Variants in USP12 observed in about 807,000 individuals in gnomAD.
USP12 encodes ubiquitin carboxyl-terminal hydrolase 12.
A neutral mutation model predicts 45.5 loss-of-function variants in USP12; 19 were observed. The ratio of observed to expected loss-of-function variants is 0.42; its 90% CI spans 0.29 to 0.61. The LOEUF (loss-of-function observed/expected upper bound fraction) is 0.61, where lower values mean the gene tolerates loss of function less well. USP12 is among the 20% of genes least tolerant of loss of function. The pLI is 0.22. For synonymous variants in USP12, 149 were observed against 148.8 expected (o/e 1.00, Z -0.01); for missense variants, 242 against 447.7 (o/e 0.54, Z 4.15).
intron 1 of USP12, among the ~76,000 whole-genome samples, chr13:27,142,861 G>A (rs563627388): frequency 9.2e-4 from 140 of 151,722 alleles, no homozygotes; most frequent in African/African-American, 3.2e-3. Context: ...TTGGGAGGCC[G>A]AGGCAGGCTG....
chr13:27,102,846 C>T (rs1223489810), intron 3 of USP12, among the ~76,000 whole-genome samples: 2 of 152,212 alleles, frequency 1.3e-5, no homozygotes, highest in Non-Finnish European at 2.9e-5. Flanking sequence ...TAAACAGTGT[C>T]TGGCACACAA....
intron 4 of USP12, among the ~76,000 whole-genome samples, chr13:27,095,014 G>A (rs1297311449): frequency 1.3e-5 from 2 of 152,138 alleles, no homozygotes; most frequent in Non-Finnish European, 2.9e-5. Context: ...AATTAGCTGG[G>A]TGTGGTGGCA....
At chr13:27,105,982 C>A in intron 2 of USP12, 38 bp from the exon 3 acceptor site, 3 of 1,540,240 alleles carry the variant, frequency 1.9e-6, no homozygotes, top group Non-Finnish European at 2.6e-6. Context: ...AAATTTAGGG[C>A]AACACATTTT....
intron 1 of USP12, among the ~76,000 whole-genome samples, chr13:27,163,780 A>G (rs1017673090): frequency 5.1e-5 from 7 of 138,588 alleles, no homozygotes; most frequent in African/African-American, 1.8e-4. Flanking sequence ...AAAAAAAAAA[A>G]AAAAAGAAAA....
chr13:27,092,258 G>A (rs1037951198), intron 4 of USP12, among the ~76,000 whole-genome samples: 3 of 152,174 alleles, frequency 2.0e-5, no homozygotes, highest in African/African-American at 7.2e-5. Context: ...ACTTAGATAA[G>A]AAGACTCAAC....
chr13:27,162,413 T>C (rs1404772983), intron 1 of USP12, among the ~76,000 whole-genome samples: 1 of 152,170 alleles, frequency 6.6e-6, no homozygotes, highest in Non-Finnish European at 1.5e-5. Flanking sequence ...CATAACGAGT[T>C]TGCATGTCTA....
At chr13:27,124,496 T>A (rs955976349) in intron 1 of USP12, among the ~76,000 whole-genome samples, 2 of 152,216 alleles carry the variant, frequency 1.3e-5, no homozygotes, top group African/African-American at 2.4e-5. Context: ...AACTTTAATA[T>A]AAATAAAGAG....
At chr13:27,114,260 G>C (rs2137795466) in intron 2 of USP12, among the ~76,000 whole-genome samples, 1 of 152,232 alleles carries the variant, frequency 6.6e-6, no homozygotes, top group East Asian at 1.9e-4. Context: ...TTACAAGTAA[G>C]AAAGATACAC....
At chr13:27,081,540 G>A (rs1873760496) in intron 6 of USP12, among the ~76,000 whole-genome samples, 1 of 152,194 alleles carries the variant, frequency 6.6e-6, no homozygotes, top group Non-Finnish European at 1.5e-5. Context: ...GGGTTGGAAT[G>A]AACTTCTTCC....
chr13:27,141,982 C>A (rs190163549), intron 1 of USP12, among the ~76,000 whole-genome samples: 102 of 151,552 alleles, frequency 6.7e-4, no homozygotes, highest in African/African-American at 2.4e-3. Context: ...GGGCGTGGTA[C>A]ATGATGGCGT....
chr13:27,119,601 T>A (rs537147677), intron 1 of USP12, among the ~76,000 whole-genome samples: 1 of 152,372 alleles, frequency 6.6e-6, no homozygotes, highest in South Asian at 2.1e-4. Flanking sequence ...TAAAAGATTA[T>A]GTGATTTCTA....
At chr13:27,090,398 TATG>T (rs1268548095) in intron 4 of USP12, among the ~76,000 whole-genome samples, 1 of 152,220 alleles carries the variant, frequency 6.6e-6, no homozygotes, top group Non-Finnish European at 1.5e-5. Context: ...CAAAGGCTAG[TATG>T]ATGTGAGAGT....
intron 1 of USP12, among the ~76,000 whole-genome samples, chr13:27,149,753 A>G (rs1877486793): frequency 6.6e-6 from 1 of 152,224 alleles, no homozygotes; most frequent in African/African-American, 2.4e-5. Context: ...GTTTTGTGGA[A>G]GACAATTTTT....
At chr13:27,086,712 A>G (rs1186735924) in intron 6 of USP12, among the ~76,000 whole-genome samples, 1 of 152,086 alleles carries the variant, frequency 6.6e-6, no homozygotes, top group Non-Finnish European at 1.5e-5. Flanking sequence ...CCATATAGTC[A>G]GTAAAGTCTG....
chr13:27,068,363 TAAA>T lies in USP12; in HGVS notation c.*917_*919del, dbSNP rs1873088217. 1 of 152,546 alleles carries T rather than the reference TAAA, an allele frequency of 6.6e-6. No homozygotes were observed. The highest frequency in any genetic ancestry group is 2.1e-4 in the South Asian group (1 of 4,822). The allele number at this position is 152,546 out of a possible 1,614,324, so 9.4% of individuals were successfully genotyped here. The stretch of plus-strand genomic sequence containing the variant: ...AAAATAACTGATTTAGAAACCATAA[TAAA>T]AGGACAAATATTTAGCCAGAGATAT... On this transcript the variant is annotated 3_prime_UTR_variant, in exon 9 of 9. Transcript: ENST00000282344.
Position 27,096,224 on chromosome 13 carries a change from C to A in USP12, c.344-394G>T, listed in dbSNP as rs76826004. 4.6e-4 allele frequency among the ~76,000 whole-genome samples: 70 copies of A among 152,296 alleles called. 2 individuals are homozygous for A. In the East Asian group the frequency reaches 0.013, roughly 29 times the overall value. On this transcript the variant is annotated intron_variant, in intron 3 of 8. Transcript: ENST00000282344. ...CCAATGCCAAGCCAACTGCTTTAGA[C>A]CCACAAAGTTTATCAAAAATAAATT...
chr13:27,083,230 A>G (rs1873845675), intron 6 of USP12, among the ~76,000 whole-genome samples: 1 of 152,210 alleles, frequency 6.6e-6, no homozygotes, highest in Non-Finnish European at 1.5e-5. Flanking sequence ...CCGTAACAAT[A>G]TAATAATGAA....
intron 7 of USP12, 39 bp from the exon 8 acceptor site, chr13:27,071,188 TTAA>T (rs1873232852): frequency 2.6e-6 from 4 of 1,521,434 alleles, no homozygotes; most frequent in Non-Finnish European, 3.6e-6. Flanking sequence ...AATATATTTA[TTAA>T]TATTACTCTT....
intron 3 of USP12, among the ~76,000 whole-genome samples, chr13:27,103,162 A>C (rs777057315): frequency 1.3e-5 from 2 of 152,246 alleles, no homozygotes; most frequent in African/African-American, 2.4e-5. Context: ...TATGGCAGGA[A>C]ATTAATTTAG....
Sources: allele counts gnomAD v4.1 joint callset (sites outside exome capture counted in the v4.1 genomes callset), GRCh38; gene constraint gnomAD v4.1.1; transcripts MANE v1.5; gene names NCBI Gene and HGNC (gene_info 2026-07-23, HGNC 2026-07-21).